The following CELF4 variants were observed in gnomAD, a reference collection of about 807,000 sequenced individuals.
The protein encoded by CELF4 is CUGBP Elav-like family member 4.
CELF4 carries 18 observed loss-of-function variants against 59.9 expected under a neutral mutation model. The observed-to-expected ratio is 0.30, with a 90% CI of 0.21 to 0.45. The LOEUF is 0.45. Ranked by LOEUF, CELF4 falls within the 20% of genes least tolerant of loss-of-function variation. The probability of loss-of-function intolerance (pLI) is 1.00; values close to 1 mark genes in which losing one functional copy is unlikely to be tolerated. For synonymous variants in CELF4, 261 were observed against 267.1 expected (o/e 0.98, Z 0.22); for missense variants, 456 against 689.0 (o/e 0.66, Z 3.79).
chr18:37,425,519 A>G (rs1319219251), intron 2 of CELF4, among the ~76,000 whole-genome samples: 3 of 152,278 alleles, frequency 2.0e-5, no homozygotes, highest in African/African-American at 7.2e-5. Flanking sequence ...TGAGACCCAA[A>G]GAATTCATAA....
intron 2 of CELF4, among the ~76,000 whole-genome samples, chr18:37,462,807 C>T (rs73947238): frequency 0.013 from 1,859 of 147,700 alleles, 52 homozygotes; most frequent in African/African-American, 0.043. Flanking sequence ...TTTTTTTTTG[C>T]GATTTTTTTC....
At chr18:37,319,128 G>C (rs543322840) in intron 3 of CELF4, among the ~76,000 whole-genome samples, 1 of 152,194 alleles carries the variant, frequency 6.6e-6, no homozygotes, top group African/African-American at 2.4e-5. Flanking sequence ...CCTCCTGGCC[G>C]GGCCGTGTGA....
At chr18:37,339,992 A>G (rs1051607670) in intron 2 of CELF4, among the ~76,000 whole-genome samples, 2 of 152,170 alleles carry the variant, frequency 1.3e-5, no homozygotes, top group Non-Finnish European at 2.9e-5. Flanking sequence ...ACCTGCCATC[A>G]GCGCATTAAT....
chr18:37,291,637 C>A (rs2095338637), intron 3 of CELF4, among the ~76,000 whole-genome samples: 1 of 152,122 alleles, frequency 6.6e-6, no homozygotes, highest in Non-Finnish European at 1.5e-5. Flanking sequence ...GGGCATGAGG[C>A]CACGGGTTTT....
At chr18:37,336,311 G>A (rs1032643305) in intron 2 of CELF4, among the ~76,000 whole-genome samples, 7 of 152,210 alleles carry the variant, frequency 4.6e-5, no homozygotes, top group African/African-American at 1.7e-4. Flanking sequence ...AGCCTCCCAA[G>A]TAGCTGGGGC....
In CELF4 at chr18:37,502,998, G is replaced by T. The variant is rs571866526; in HGVS notation, c.287-17391C>A. 3.9e-5 allele frequency among the ~76,000 whole-genome samples: 6 copies of T among 152,334 alleles called. No individual in the cohort carries two copies. In the South Asian group the frequency reaches 1.2e-3, roughly 32 times the overall value. On this transcript the variant is annotated intron_variant, in intron 1 of 12. Coordinates refer to ENST00000420428, the MANE Select transcript of CELF4 (RefSeq NM_020180.4). ...GAGGGACAGAGCCTCACAGTACCAG[G>T]TCGGGTGGGTGCATCATCACACATC...
chr18:37,356,205 T>G (rs2098562771), intron 2 of CELF4, among the ~76,000 whole-genome samples: 1 of 152,240 alleles, frequency 6.6e-6, no homozygotes, highest in Non-Finnish European at 1.5e-5. Context: ...GCCACTTAGT[T>G]GAGTTTTTGC....
intron 2 of CELF4, among the ~76,000 whole-genome samples, chr18:37,384,954 T>C (rs2099082689): frequency 6.6e-6 from 1 of 152,222 alleles, no homozygotes; most frequent in Admixed American, 6.5e-5. Flanking sequence ...CGTCTCTGAT[T>C]TGCTGGGTCA....
intron 2 of CELF4, among the ~76,000 whole-genome samples, chr18:37,484,064 G>C (rs980198265): frequency 6.6e-6 from 1 of 151,886 alleles, no homozygotes; most frequent in Non-Finnish European, 1.5e-5. Flanking sequence ...TTCCCCTTCT[G>C]ATTCCGGCTT....
chr18:37,328,339 T>G lies in CELF4; in HGVS notation c.370-6458A>C, dbSNP rs554997195. Reference sequence around the variant, plus strand: ...TGGGGACTGATGCCCCGCAGGGAGCTGGGGAGAGGGAGGATAGGCGCTGGC... The same window carrying G: ...TGGGGACTGATGCCCCGCAGGGAGCGGGGGAGAGGGAGGATAGGCGCTGGC... On this transcript the variant is annotated intron_variant, in intron 2 of 12. Coordinates refer to ENST00000420428, the MANE Select transcript of CELF4 (RefSeq NM_020180.4). Among the ~76,000 whole-genome samples the G allele has an allele frequency of 2.6e-5, 4 of 152,190 alleles. No individual in the cohort carries two copies. The South Asian group carries it at 6.2e-4, about 24-fold the overall frequency.
intron 12 of CELF4, among the ~76,000 whole-genome samples, chr18:37,248,969 G>GGGAA (rs1167343804): frequency 6.6e-6 from 1 of 151,974 alleles, no homozygotes; most frequent in African/African-American, 2.4e-5. Context: ...GAGGGAGGGA[G>GGGAA]GAAGGGAGGC....
intron 2 of CELF4, among the ~76,000 whole-genome samples, chr18:37,450,315 C>T (rs1325296963): frequency 6.6e-6 from 1 of 151,720 alleles, no homozygotes. Flanking sequence ...CGTTCTCTCT[C>T]GCCCTCTCTT....
chr18:37,536,880 C>A (rs1056181800), intron 1 of CELF4, among the ~76,000 whole-genome samples: 1 of 152,148 alleles, frequency 6.6e-6, no homozygotes, highest in African/African-American at 2.4e-5. Flanking sequence ...CTGTGCTCTG[C>A]GAAGGGAGAG....
At chr18:37,476,088 A>G (rs992321125) in intron 2 of CELF4, among the ~76,000 whole-genome samples, 2 of 152,192 alleles carry the variant, frequency 1.3e-5, no homozygotes, top group Non-Finnish European at 2.9e-5. Context: ...CACTCGCATC[A>G]TTGTTTTGTC....
rs988138394 is a variant in CELF4, at chr18:37,253,452, C to T, written c.*44+315G>A. Among the ~76,000 whole-genome samples, 3 of 152,172 alleles carry T rather than the reference C, an allele frequency of 2.0e-5. No homozygotes were observed. Among genetic ancestry groups the T allele is most frequent in the African/African-American group, 7.2e-5 (3 of 41,454 alleles). On this transcript the variant is annotated intron_variant, in intron 12 of 12. Transcript: ENST00000420428. The surrounding 1 kb of genome is among the most constrained non-coding windows in gnomAD (Gnocchi z 4.5). ...CAGCCTGAGCTTGCCACCTGTTCAC[C>T]CCAGGGTTCTCTGGCCAACAGGACT...
rs775953187 is a variant in CELF4 at position 37,448,258 on chromosome 18, C to T, written c.369+37267G>A. Among the ~76,000 whole-genome samples, 16 of 152,304 alleles carry T rather than the reference C, an allele frequency of 1.1e-4. No homozygotes were observed. In the South Asian group the frequency reaches 2.3e-3, roughly 22 times the overall value. On this transcript the variant is annotated intron_variant, in intron 2 of 12. Transcript: ENST00000420428. ...TGCATGATGACTGGAGCCTGAAGCC[C>T]GGGCAGTTCTCCAGGAATGAGTTCT...
At chr18:37,304,798 C>A (rs1005759163) in intron 3 of CELF4, among the ~76,000 whole-genome samples, 4 of 152,212 alleles carry the variant, frequency 2.6e-5, no homozygotes, top group African/African-American at 9.6e-5. Flanking sequence ...CCCAACTAAG[C>A]AGTGCTGCCC....
intron 2 of CELF4, among the ~76,000 whole-genome samples, chr18:37,350,449 T>A (rs915334958): frequency 2.0e-5 from 3 of 152,188 alleles, no homozygotes; most frequent in African/African-American, 4.8e-5. Flanking sequence ...TGTTTACTCA[T>A]CCTCACCTGC....
In CELF4 at chr18:37,274,628, G is replaced by A. The variant is rs752336909; in HGVS notation, c.658-174C>T. 3 of 1,504,492 alleles carry A rather than the reference G, an allele frequency of 2.0e-6. No homozygotes were observed. The South Asian group carries it at 3.8e-5, about 19-fold the overall frequency. 93.2% of individuals were successfully genotyped at this position (1,504,492 alleles called of 1,614,324 possible). On this transcript the variant is annotated intron_variant, in intron 5 of 12. Coordinates refer to ENST00000420428, the MANE Select transcript of CELF4 (RefSeq NM_020180.4). Reference sequence around the variant, plus strand: ...CCCCACCGCGGGCATTTTCCACCTGGGTAACCTCAGGCCAGTTCCTTAACA... The same window carrying A: ...CCCCACCGCGGGCATTTTCCACCTGAGTAACCTCAGGCCAGTTCCTTAACA...
Sources: gnomAD v4.1 joint callset for allele counts (sites outside exome capture counted in the v4.1 genomes callset) on GRCh38, gnomAD v4.1.1 for gene constraint, Gnocchi (gnomAD v3.1) non-coding constraint, MANE v1.5 for transcripts, NCBI Gene and HGNC (gene_info 2026-07-23, HGNC 2026-07-21) for gene names.